SCAF1: variants seen among roughly 807,000 people sequenced by gnomAD.
SCAF1 encodes splicing factor, arginine/serine-rich 19.
In SCAF1, 28 loss-of-function variants were observed where a neutral mutation model predicts 91.2. That is an observed-to-expected ratio of 0.31 (90% CI 0.23 to 0.42). The LOEUF is 0.42. Ranked by LOEUF, SCAF1 falls within the 10% of genes least tolerant of loss-of-function variation. SCAF1 has a pLI of 1.00. For missense variants in SCAF1, 1,893 were observed against 1,872.1 expected, an observed-to-expected ratio of 1.01 and a Z score of -0.21; for synonymous variants, 1,036 against 833.7, an observed-to-expected ratio of 1.24 and a Z score of -4.18.
At chr19:49,654,979 CAG>C (rs2081130459) in intron 9 of SCAF1, 109 bp downstream of exon 9, 1 of 906,884 alleles carries the variant, frequency 1.1e-6, no homozygotes, top group East Asian at 2.7e-5. Context: ...GGCAGGGAGA[CAG>C]GGCCGTAGAG....
rs369861842 is a variant in SCAF1 at position 49,652,411 on chromosome 19, G to C, written c.2022G>C (p.Ser674=). 1.1e-5 allele frequency: 17 copies of C among 1,593,554 alleles called. No homozygotes were observed. Among genetic ancestry groups the C allele is most frequent in the Non-Finnish European group, 1.4e-5 (16 of 1,174,174 alleles). The change falls in exon 7 of 11, where the codon TCG becomes TCC. Residue 674 remains serine (S), a synonymous_variant. Transcript: ENST00000360565. ...CCCCGCCGCCCTCTGGCTCCACCTC[G>C]TGTGGTGACCGCGACAGCCGCCGCC... ...APAPPPSGST[S]CGDRDSRRRG...
At position 49,657,838 on chromosome 19, in the gene SCAF1, G is replaced by C; in HGVS notation, c.3696G>C (p.Lys1232Asn). Residue 1232 changes from lysine to asparagine, a missense_variant, in exon 10 of 11, where the codon AAG becomes AAC. Lys to Asn is a moderately conservative substitution (Grantham distance 94). Transcript: ENST00000360565. ...KLAIKPYYQK[K>N]DITKEEYKDI... The stretch of plus-strand genomic sequence containing the variant: ...CCATCAAGCCATACTATCAGAAGAA[G>C]GACATCACCAAGGAGGAGTACAAGG... 1 of 1,611,282 alleles carries C rather than the reference G, an allele frequency of 6.2e-7. No individual in the cohort carries two copies. Among genetic ancestry groups the C allele is most frequent in the African/African-American group, 1.3e-5 (1 of 75,010 alleles).
Position 49,657,896 on chromosome 19 carries a change from A to G in SCAF1, c.3747+7A>G. The G allele has an allele frequency of 1.9e-6, 3 of 1,610,398 alleles. No individual in the cohort carries two copies. Among genetic ancestry groups the G allele is most frequent in the Non-Finnish European group, 2.5e-6 (3 of 1,178,282 alleles). Reference sequence around the variant, plus strand: ...GAGGAAGGCCGTCCACAAGGTGGGCACCCGGAGAGAGGGGCAGACACAGGC... The same window carrying G: ...GAGGAAGGCCGTCCACAAGGTGGGCGCCCGGAGAGAGGGGCAGACACAGGC... On this transcript the variant is annotated splice_region_variant and intron_variant, in intron 10 of 10. Coordinates refer to ENST00000360565, the MANE Select transcript of SCAF1 (RefSeq NM_021228.3).
In SCAF1 at chr19:49,653,572, G is replaced by T; in HGVS notation, c.3183G>T (p.Ala1061=). The T allele has an allele frequency of 6.9e-6, 11 of 1,588,460 alleles. No homozygotes were observed. Among genetic ancestry groups the T allele is most frequent in the African/African-American group, 1.3e-5 (1 of 74,664 alleles). ...AAAAPSTAPS[A]GSTAGDSGAE... is the part of the protein sequence containing the mutation. ...CCGCCCCAAGCACTGCCCCCAGCGC[G>T]GGGTCCACAGCCGGTGACTCGGGGG... Residue 1061 remains alanine (A), a synonymous_variant, in exon 7 of 11, where the codon GCG becomes GCT. Coordinates refer to ENST00000360565, the MANE Select transcript of SCAF1 (RefSeq NM_021228.3).
At position 49,652,729 on chromosome 19, in the gene SCAF1, G is replaced by A; in HGVS notation, c.2340G>A (p.Arg780=). The change falls in exon 7 of 11, where the codon CGG becomes CGA. Residue 780 remains arginine, a synonymous_variant. Coordinates refer to ENST00000360565, the MANE Select transcript of SCAF1 (RefSeq NM_021228.3). ...RKALDGGDRD[R]DRDRDRDRDR... ...CGCTGGACGGGGGTGACCGGGATCG[G>A]GACAGGGACAGAGATAGGGACAGGG... is the stretch of plus-strand genomic sequence containing the variant. The A allele has an allele frequency of 1.2e-6, 2 of 1,601,630 alleles. No homozygotes were observed. The highest frequency in any genetic ancestry group is 1.7e-6 in the Non-Finnish European group (2 of 1,174,406).
Position 49,651,010 on chromosome 19 carries a change from C to A in SCAF1, c.621C>A (p.Ser207=). 2 of 622,078 alleles carry A rather than the reference C, an allele frequency of 3.2e-6. No individual in the cohort carries two copies. The highest frequency in any genetic ancestry group is 2.4e-6 in the Non-Finnish European group (1 of 413,800). The allele number at this position is 622,078 out of a possible 1,614,324, so 38.5% of individuals were successfully genotyped here. ...PSPSPSSSSP[S]PPPPPPPPAP... is the part of the protein sequence containing the mutation. Reference sequence around the variant, plus strand: ...CTTCTCCCTCATCTTCCTCCCCTTCCCCTCCCCCACCCCCACCGCCCCCTG... The same window carrying A: ...CTTCTCCCTCATCTTCCTCCCCTTCACCTCCCCCACCCCCACCGCCCCCTG... The change falls in exon 7 of 11, where the codon TCC becomes TCA. Residue 207 remains serine, a synonymous_variant. Transcript: ENST00000360565.
chr19:49,646,071 C>T lies in SCAF1; in HGVS notation c.167-37C>T, dbSNP rs1330816933. The T allele has an allele frequency of 6.4e-7, 1 of 1,572,184 alleles. No homozygotes were observed. Among genetic ancestry groups the T allele is most frequent in the East Asian group, 2.2e-5 (1 of 44,694 alleles). On this transcript the variant is annotated intron_variant, in intron 3 of 10. Coordinates refer to ENST00000360565, the MANE Select transcript of SCAF1 (RefSeq NM_021228.3). This position sits in a 1 kb window ranked among gnomAD's most constrained non-coding sequence, Gnocchi z 5.6. ...TACCCCGCAAGTCTCTGCAGCAAGT[C>T]CCCTGTGTCCAATCCCCCATGCAAA...
chr19:49,648,300 T>C (rs1186663387), intron 6 of SCAF1, among the ~76,000 whole-genome samples: 1 of 151,886 alleles, frequency 6.6e-6, no homozygotes, highest in African/African-American at 2.4e-5. Flanking sequence ...TTAGTAGAGG[T>C]AGGGTTTCAC....
Position 49,645,259 on chromosome 19 carries a change from G to T in SCAF1, c.109-95G>T, listed in dbSNP as rs1362318808. On this transcript the variant is annotated intron_variant, in intron 2 of 10. Coordinates refer to ENST00000360565, the MANE Select transcript of SCAF1 (RefSeq NM_021228.3). This position sits in a 1 kb window ranked among gnomAD's most constrained non-coding sequence, Gnocchi z 4.6. The stretch of plus-strand genomic sequence containing the variant: ...GGCTCCCTTGAAGCACTTGAGTCTA[G>T]CTGTCAGTGTCTGGGATGTCTGTCT... 6.6e-7 allele frequency: 1 copy of T among 1,519,038 alleles called. No homozygotes were observed. Among genetic ancestry groups the T allele is most frequent in the Non-Finnish European group, 9.1e-7 (1 of 1,095,880 alleles). The allele number at this position is 1,519,038 out of a possible 1,614,324, so 94.1% of individuals were successfully genotyped here.
At position 49,653,471 on chromosome 19, in the gene SCAF1, GA is replaced by G; in HGVS notation, c.3084del (p.Glu1029LysfsTer78). ...RGGAEEEEEE[E>X]EEEEEEEEEE... ...TGGGGCGGAGGAGGAGGAGGAGGAA[GA>G]AGAAGAGGAGGAGGAAGAGGAAGAG... On this transcript the variant is annotated frameshift_variant, in exon 7 of 11. Coordinates refer to ENST00000360565, the MANE Select transcript of SCAF1 (RefSeq NM_021228.3). LOFTEE classifies it high-confidence loss of function. The G allele has an allele frequency of 6.4e-7, 1 of 1,554,070 alleles. No homozygotes were observed. Among genetic ancestry groups the G allele is most frequent in the Non-Finnish European group, 8.7e-7 (1 of 1,151,892 alleles).
rs2081107575 is a variant in SCAF1 at position 49,652,741 on chromosome 19, A to G, written c.2352A>G (p.Arg784=). 1 of 1,607,538 alleles carries G rather than the reference A, an allele frequency of 6.2e-7. No individual in the cohort carries two copies. Among genetic ancestry groups the G allele is most frequent in the Non-Finnish European group, 8.5e-7 (1 of 1,177,306 alleles). The change falls in exon 7 of 11, where the codon AGA becomes AGG. Residue 784 remains arginine, a synonymous_variant. Coordinates refer to ENST00000360565, the MANE Select transcript of SCAF1 (RefSeq NM_021228.3). ...DGGDRDRDRD[R]DRDRDRSSKK... ...GTGACCGGGATCGGGACAGGGACAGAGATAGGGACAGGGACAGGTCATCCA... is the reference window on the plus strand; with the variant it reads ...GTGACCGGGATCGGGACAGGGACAGGGATAGGGACAGGGACAGGTCATCCA...
rs757824517 is a variant in SCAF1, at chr19:49,646,788, A to T, written c.436A>T (p.Ser146Cys). Residue 146 changes from serine (S) to cysteine (C), a missense_variant, in exon 6 of 11, where the codon AGC (serine) becomes TGC (cysteine). Around this residue, in one of 5 missense-constraint regions of SCAF1, gnomAD observed 270 missense variants for 292.5 expected, o/e 0.92. Coordinates refer to ENST00000360565, the MANE Select transcript of SCAF1 (RefSeq NM_021228.3). This position sits in a 1 kb window ranked among gnomAD's most constrained non-coding sequence, Gnocchi z 5.6. ...AGATCCCATCCCTCTGCCTGTGCCC[A>T]GCCTGCTGCCCCGTCTCAGGGCCTG... is the stretch of plus-strand genomic sequence containing the variant. ...DRDPIPLPVP[S>C]LLPRLRAWRT... 6.2e-7 allele frequency: 1 copy of T among 1,613,664 alleles called. No individual in the cohort carries two copies. Among genetic ancestry groups the T allele is most frequent in the South Asian group, 1.1e-5 (1 of 91,040 alleles).
Position 49,646,045 on chromosome 19 carries a change from C to G in SCAF1, c.167-63C>G. 6.8e-7 allele frequency: 1 copy of G among 1,465,782 alleles called. No individual in the cohort carries two copies. 90.8% of individuals were successfully genotyped at this position (1,465,782 alleles called of 1,614,324 possible). On this transcript the variant is annotated intron_variant, in intron 3 of 10. Coordinates refer to ENST00000360565, the MANE Select transcript of SCAF1 (RefSeq NM_021228.3). The surrounding 1 kb of genome is among the most constrained non-coding windows in gnomAD (Gnocchi z 5.6). The stretch of plus-strand genomic sequence containing the variant: ...GAACTAGATCAAGCTCCTCTTTCCT[C>G]TACCCCGCAAGTCTCTGCAGCAAGT...
chr19:49,652,354 T>G lies in SCAF1; in HGVS notation c.1965T>G (p.Ser655=). Residue 655 remains serine, a synonymous_variant, in exon 7 of 11, where the codon TCT becomes TCG. Coordinates refer to ENST00000360565, the MANE Select transcript of SCAF1 (RefSeq NM_021228.3). ...KRSRSRGEKR[S]GDGSEKAPAP... ...CGCGGTCCCGGGGTGAGAAGCGGTC[T>G]GGGGATGGCAGCGAGAAGGCCCCGG... 1 of 1,536,868 alleles carries G rather than the reference T, an allele frequency of 6.5e-7. No individual in the cohort carries two copies. Among genetic ancestry groups the G allele is most frequent in the East Asian group, 2.4e-5 (1 of 40,824 alleles).
rs1183539617 is a variant in SCAF1, at chr19:49,653,444, G to A, written c.3055G>A (p.Gly1019Ser). The change falls in exon 7 of 11, where the codon GGT becomes AGT. Residue 1019 changes from glycine (G) to serine (S), a missense_variant. Gly to Ser is a moderately conservative substitution (Grantham distance 56). This residue lies in a region of SCAF1 where 1,436 missense variants were observed against 1,306.8 expected (regional missense o/e 1.10). Transcript: ENST00000360565. ...EEATEEAGVR[G>S]GAEEEEEEEE... ...GGCCACTGAGGAGGCTGGGGTCCGA[G>A]GTGGGGCGGAGGAGGAGGAGGAGGA... 2 of 1,547,764 alleles carry A rather than the reference G, an allele frequency of 1.3e-6. No homozygotes were observed. Among genetic ancestry groups the A allele is most frequent in the Non-Finnish European group, 1.7e-6 (2 of 1,146,748 alleles).
rs1313289806 is a variant in SCAF1, at chr19:49,658,558, C to A, written c.*159C>A. On this transcript the variant is annotated 3_prime_UTR_variant, in exon 11 of 11. Transcript: ENST00000360565. ...CCCTGCCCTGCCCCGTGTCCACCTC[C>A]CTTGCCCCCAAGCCTGTCCCCAGTG... 1 of 614,598 alleles carries A rather than the reference C, an allele frequency of 1.6e-6. No homozygotes were observed. The highest frequency in any genetic ancestry group is 2.8e-5 in the East Asian group (1 of 36,300). 38.1% of individuals were successfully genotyped at this position (614,598 alleles called of 1,614,324 possible). A position where few individuals can be genotyped will look rare whatever the true frequency, so the allele number is the denominator to read the frequency against.
At position 49,654,865 on chromosome 19, in the gene SCAF1, G is replaced by C. The variant is rs1174252333; in HGVS notation, c.3613G>C (p.Asp1205His). Reference sequence around the variant, plus strand: ...CAGCTCTGAGGGCCGTGGGGACACAGATAAGGTGAGCTGGCCTGGGGAGAG... The same window carrying C: ...CAGCTCTGAGGGCCGTGGGGACACACATAAGGTGAGCTGGCCTGGGGAGAG... ...SSSSEGRGDT[D>H]KYLKKLHTQE... is the part of the protein sequence containing the mutation. The change falls in exon 9 of 11, where the codon GAT (aspartate) becomes CAT (histidine). Residue 1205 changes from aspartate to histidine, a missense_variant. By Grantham distance (81) the Asp-to-His change is moderately conservative (BLOSUM62 -1). This residue lies in a region of SCAF1 where 56 missense variants were observed against 106.3 expected (regional missense o/e 0.53). Transcript: ENST00000360565. The C allele has an allele frequency of 6.3e-7, 1 of 1,589,244 alleles. No individual in the cohort carries two copies. The highest frequency in any genetic ancestry group is 8.6e-7 in the Non-Finnish European group (1 of 1,164,806).
chr19:49,647,448 A>G (rs2081062190), intron 6 of SCAF1, among the ~76,000 whole-genome samples: 2 of 152,194 alleles, frequency 1.3e-5, no homozygotes, highest in South Asian at 2.1e-4. Flanking sequence ...TTCATTTTAA[A>G]CAATACATGC....
Position 49,652,403 on chromosome 19 carries a change from T to C in SCAF1, c.2014T>C (p.Ser672Pro), listed in dbSNP as rs760448877. The C allele has an allele frequency of 5.7e-6, 9 of 1,587,910 alleles. No homozygotes were observed. The highest frequency in any genetic ancestry group is 7.7e-6 in the Non-Finnish European group (9 of 1,171,050). ...APAPAPPPSGSTSCGDRDSRR... is the reference protein window; with the variant it reads ...APAPAPPPSGPTSCGDRDSRR... ...GGCGCCCGCCCCGCCGCCCTCTGGC[T>C]CCACCTCGTGTGGTGACCGCGACAG... is the stretch of plus-strand genomic sequence containing the variant. Residue 672 changes from serine to proline, a missense_variant, in exon 7 of 11, where the codon TCC (serine) becomes CCC (proline). Around this residue, in one of 5 missense-constraint regions of SCAF1, gnomAD observed 1,436 missense variants for 1,306.8 expected, o/e 1.10. Coordinates refer to ENST00000360565, the MANE Select transcript of SCAF1 (RefSeq NM_021228.3).
Sources: allele counts gnomAD v4.1 joint callset (sites outside exome capture counted in the v4.1 genomes callset), GRCh38; gene constraint gnomAD v4.1.1; regional missense constraint gnomAD v4.1.1; non-coding constraint Gnocchi (gnomAD v3.1); transcripts MANE v1.5; gene names NCBI Gene and HGNC (gene_info 2026-07-23, HGNC 2026-07-21).